The following MVK variants were observed in gnomAD, a reference collection of about 807,000 sequenced individuals.
MVK encodes mevalonate kinase, also known as LH receptor mRNA-binding protein.
Under a neutral mutation model 43.2 loss-of-function variants are expected in MVK, and 34 were observed. The observed-to-expected ratio is 0.79, with a 90% CI of 0.60 to 1.05. MVK has a LOEUF of 1.05. Among genes scored for constraint, MVK ranks in the 50% least tolerant of loss-of-function variants. MVK has a pLI of 0.00. For synonymous variants in MVK, 190 were observed against 219.8 expected, an observed-to-expected ratio of 0.86 and a Z score of 1.20; for missense variants, 395 against 504.0, an observed-to-expected ratio of 0.78 and a Z score of 2.07.
At chr12:109,575,625 T>C (rs1377717447) in intron 2 of MVK, among the ~76,000 whole-genome samples, 1 of 152,156 alleles carries the variant, frequency 6.6e-6, no homozygotes, top group Non-Finnish European at 1.5e-5. Flanking sequence ...TGGGCTCAAG[T>C]GATCCTCTTG....
chr12:109,584,052 T>C (rs1239570908), intron 5 of MVK, among the ~76,000 whole-genome samples: 1 of 152,228 alleles, frequency 6.6e-6, no homozygotes, highest in Non-Finnish European at 1.5e-5. Context: ...AGTAGCACTG[T>C]GATCTCCAGG....
At position 109,574,900 on chromosome 12, in the gene MVK, G is replaced by A. The variant is rs764748327; in HGVS notation, c.78G>A (p.Lys26=). 1.2e-6 allele frequency: 2 copies of A among 1,607,544 alleles called. No homozygotes were observed. The highest frequency in any genetic ancestry group is 1.7e-6 in the Non-Finnish European group (2 of 1,176,892). ...GAGAACATGCCGTGGTACATGGCAAGGTACAAAGCCGTTAGAGCCTTTAAG... is the reference window on the plus strand; with the variant it reads ...GAGAACATGCCGTGGTACATGGCAAAGTACAAAGCCGTTAGAGCCTTTAAG... ...LHGEHAVVHG[K]VALAVSLNLR... is the part of the protein sequence containing the mutation. Residue 26 remains lysine (K), a splice_region_variant and synonymous_variant, in exon 2 of 11, where the codon AAG becomes AAA. Coordinates refer to ENST00000228510, the MANE Select transcript of MVK (RefSeq NM_000431.4).
rs1233533275 is a variant in MVK, at chr12:109,576,222, C to G, written c.226+77C>G. The G allele has an allele frequency of 1.9e-6, 3 of 1,587,044 alleles. No individual in the cohort carries two copies. In the African/African-American group the frequency reaches 4.0e-5, roughly 21 times the overall value. ...GCTGGCCAGGTATTCTGGGCTGTCC[C>G]CAAGGGAGCCAGGGGCCAGCTATTT... On this transcript the variant is annotated intron_variant, in intron 3 of 10. Coordinates refer to ENST00000228510, the MANE Select transcript of MVK (RefSeq NM_000431.4).
intron 8 of MVK, among the ~76,000 whole-genome samples, 162 bp from the exon 9 acceptor site, chr12:109,591,079 C>T (rs1319278556): frequency 6.6e-6 from 1 of 152,208 alleles, no homozygotes; most frequent in African/African-American, 2.4e-5. Flanking sequence ...ACTGACTTTG[C>T]AGCTGGGAAG....
rs758944751 is a variant in MVK, at chr12:109,575,982, G to A, written c.79-16G>A. On this transcript the variant is annotated splice_polypyrimidine_tract_variant and intron_variant, in intron 2 of 10. Transcript: ENST00000228510. ...ACTCACCCTCAGGCTTATTGCTTTTGTCATTTATTCTATAGGTAGCACTGG... is the reference window on the plus strand; with the variant it reads ...ACTCACCCTCAGGCTTATTGCTTTTATCATTTATTCTATAGGTAGCACTGG... The A allele has an allele frequency of 1.2e-6, 2 of 1,614,038 alleles. No individual in the cohort carries two copies. Among genetic ancestry groups the A allele is most frequent in the Admixed American group, 3.3e-5 (2 of 60,010 alleles).
At chr12:109,580,027 G>A in intron 4 of MVK, 81 bp downstream of exon 4, 1 of 1,585,306 alleles carries the variant, frequency 6.3e-7, no homozygotes, top group Non-Finnish European at 8.6e-7. Flanking sequence ...TGCTGCTGGA[G>A]AATGCACATG....
chr12:109,589,870 C>T (rs922080842), intron 7 of MVK: 1 of 152,290 alleles, frequency 6.6e-6, no homozygotes, highest in Non-Finnish European at 1.5e-5. Context: ...GAAGACGGCT[C>T]ACTACAAGGA....
At chr12:109,579,093 C>G (rs992064774) in intron 3 of MVK, 10 of 345,550 alleles carry the variant, frequency 2.9e-5, no homozygotes, top group Admixed American at 1.1e-4. Context: ...CCAGCATTCT[C>G]TGTGTGTGTC....
In MVK at chr12:109,596,683, T is replaced by G. The variant is rs1288601568; in HGVS notation, c.*106T>G. 11 of 1,470,836 alleles carry G rather than the reference T, an allele frequency of 7.5e-6. No individual in the cohort carries two copies. The highest frequency in any genetic ancestry group is 2.4e-5 in the East Asian group (1 of 41,174). 91.1% of individuals were successfully genotyped at this position (1,470,836 alleles called of 1,614,324 possible). On this transcript the variant is annotated 3_prime_UTR_variant, in exon 11 of 11. Transcript: ENST00000228510. ...CCAGCGAGCGCCCAGCTCCTGACAC[T>G]GCTGGAGAGGCCCCAGCCGCTTGGC... is the stretch of plus-strand genomic sequence containing the variant.
upstream of MVK, chr12:109,573,321 A>T (rs367986401): frequency 8.7e-6 from 14 of 1,611,680 alleles, no homozygotes; most frequent in African/African-American, 1.7e-4. Flanking sequence ...CAGGTGTTCG[A>T]GTTGCCCTTC....
chr12:109,595,984 C>T lies in MVK; in HGVS notation c.1040-442C>T, dbSNP rs1482815158. Among the ~76,000 whole-genome samples the T allele has an allele frequency of 2.0e-5, 3 of 152,154 alleles. No individual in the cohort carries two copies. The highest frequency in any genetic ancestry group is 6.5e-5 in the Admixed American group (1 of 15,276). On this transcript the variant is annotated intron_variant, in intron 10 of 10. Transcript: ENST00000228510. The surrounding 1 kb of genome is among the most constrained non-coding windows in gnomAD (Gnocchi z 5.9). ...TTGGTTCCTAGTTCAGAGCCCATGA[C>T]GATGGTGGGACTTGACATTTCTGGA...
intron 1 of MVK, 87 bp from the exon 2 acceptor site, chr12:109,574,722 T>C: frequency 8.8e-7 from 1 of 1,134,938 alleles, no homozygotes; most frequent in South Asian, 1.3e-5. Flanking sequence ...GTTATTATGA[T>C]GGGCTTGAAC....
chr12:109,577,546 G>A (rs1885011492), intron 3 of MVK, among the ~76,000 whole-genome samples: 1 of 152,196 alleles, frequency 6.6e-6, no homozygotes, highest in South Asian at 2.1e-4. Context: ...CTGGGCTCAA[G>A]CAGTTTTCCA....
rs1566147813 is a variant in MVK at position 109,586,773 on chromosome 12, T to TC, written c.652dup (p.Gln218ProfsTer59). The stretch of plus-strand genomic sequence containing the variant: ...CTTTAGGAGGAGCCCTCCGATACCA[T>TC]CAAGGGAAGATTTCATCCTTAAAGA... On this transcript the variant is annotated frameshift_variant, in exon 7 of 11. Coordinates refer to ENST00000228510, the MANE Select transcript of MVK (RefSeq NM_000431.4). LOFTEE classifies it high-confidence loss of function. The TC allele has an allele frequency of 6.2e-7, 1 of 1,614,144 alleles. No individual in the cohort carries two copies. The highest frequency in any genetic ancestry group is 8.5e-7 in the Non-Finnish European group (1 of 1,180,008).
At chr12:109,589,459 G>A (rs1350750729) in intron 7 of MVK, 1 of 152,104 alleles carries the variant, frequency 6.6e-6, no homozygotes, top group Non-Finnish European at 1.5e-5. Context: ...GTGCCTCTCT[G>A]TAAAGAAAAA....
intron 9 of MVK, among the ~76,000 whole-genome samples, chr12:109,593,744 A>T (rs1259687881): frequency 7.8e-6 from 1 of 128,950 alleles, no homozygotes; most frequent in Non-Finnish European, 1.6e-5. Flanking sequence ...TTTTTGAGAC[A>T]GAGTCATCTT....
In MVK at chr12:109,581,311, C is replaced by T. The variant is rs140976853; in HGVS notation, c.372-84C>T. 122 of 1,570,830 alleles carry T rather than the reference C, an allele frequency of 7.8e-5. No individual in the cohort carries two copies. In the African/African-American group the frequency reaches 1.3e-3, roughly 17 times the overall value. On this transcript the variant is annotated intron_variant, in intron 4 of 10. Coordinates refer to ENST00000228510, the MANE Select transcript of MVK (RefSeq NM_000431.4). The stretch of plus-strand genomic sequence containing the variant: ...GAAAACTGGACCAGATGCTTGGAGT[C>T]AGGCCTGGGCCTGGCCCCTGGTTCA...
intron 3 of MVK, among the ~76,000 whole-genome samples, chr12:109,576,658 G>A (rs1360325926): frequency 1.3e-5 from 2 of 152,086 alleles, no homozygotes; most frequent in African/African-American, 2.4e-5. Context: ...ATCATCTGAG[G>A]TCAGGAGTTC....
In MVK at chr12:109,576,117, G is replaced by T; in HGVS notation, c.198G>T (p.Arg66Ser). 1.2e-6 allele frequency: 2 copies of T among 1,614,162 alleles called. No individual in the cohort carries two copies. The highest frequency in any genetic ancestry group is 1.7e-6 in the Non-Finnish European group (2 of 1,180,034). ...IGIKRAWDVA[R>S]LQSLDTSFLE... Reference sequence around the variant, plus strand: ...TCAAGCGGGCCTGGGATGTGGCCAGGCTTCAGTCACTGGACACAAGCTTTC... The same window carrying T: ...TCAAGCGGGCCTGGGATGTGGCCAGTCTTCAGTCACTGGACACAAGCTTTC... Residue 66 changes from arginine (R) to serine (S), a missense_variant, in exon 3 of 11, where the codon AGG (arginine) becomes AGT (serine). Physicochemically the swap from Arg to Ser is moderately radical, Grantham distance 110. Coordinates refer to ENST00000228510, the MANE Select transcript of MVK (RefSeq NM_000431.4).
Sources: allele counts gnomAD v4.1 joint callset (sites outside exome capture counted in the v4.1 genomes callset), GRCh38; gene constraint gnomAD v4.1.1; non-coding constraint Gnocchi (gnomAD v3.1); transcripts MANE v1.5; gene names NCBI Gene and HGNC (gene_info 2026-07-23, HGNC 2026-07-21).